Variants in ODAD3 observed in about 807,000 individuals in gnomAD.
The protein encoded by ODAD3 is outer dynein arm docking complex subunit 3.
A neutral mutation model predicts 70.9 loss-of-function variants in ODAD3; 57 were observed. The observed-to-expected ratio is 0.80, with a 90% confidence interval of 0.65 to 1.00. ODAD3 has a LOEUF of 1.00. Ranked by LOEUF, ODAD3 falls within the 50% of genes least tolerant of loss-of-function variation. The pLI, the probability that ODAD3 is intolerant of heterozygous loss-of-function variation, is 0.00. For missense variants in ODAD3, 797 were observed against 763.9 expected (o/e 1.04, Z -0.51); for synonymous variants, 327 against 315.9 (o/e 1.04, Z -0.37).
Position 11,422,877 on chromosome 19 carries a change from C to T in ODAD3, c.1117-16G>A, listed in dbSNP as rs1969174682. The T allele has an allele frequency of 6.3e-7, 1 of 1,599,400 alleles. No homozygotes were observed. The highest frequency in any genetic ancestry group is 8.5e-7 in the Non-Finnish European group (1 of 1,178,876). Reference sequence around the variant, plus strand: ...GCACCAACGACTGCGGGCCACCCAGCCCCAGTCAGAGCCAGGGCCTAGGGA... The same window carrying T: ...GCACCAACGACTGCGGGCCACCCAGTCCCAGTCAGAGCCAGGGCCTAGGGA... On this transcript the variant is annotated splice_polypyrimidine_tract_variant and intron_variant, in intron 8 of 12. Transcript: ENST00000356392. This position sits in a 1 kb window ranked among gnomAD's most constrained non-coding sequence, Gnocchi z 4.6.
chr19:11,420,715 G>A lies in ODAD3; in HGVS notation c.*120C>T. On this transcript the variant is annotated 3_prime_UTR_variant, in exon 13 of 13. Transcript: ENST00000356392. ...CCTTCCTCCCCTCCGGGCGCCGCTG[G>A]CCGCCTCCGTTCCCGGTCCGGGCCG... is the stretch of plus-strand genomic sequence containing the variant. The A allele has an allele frequency of 1.2e-6, 1 of 808,524 alleles. No individual in the cohort carries two copies. The highest frequency in any genetic ancestry group is 2.0e-6 in the Non-Finnish European group (1 of 497,994). The allele number at this position is 808,524 out of a possible 1,614,324, so 50.1% of individuals were successfully genotyped here.
intron 7 of ODAD3, among the ~76,000 whole-genome samples, chr19:11,425,573 A>ATATATGTATATATGTG (rs1555722668): frequency 1.6e-5 from 2 of 126,358 alleles, no homozygotes; most frequent in African/African-American, 8.5e-5. Context: ...GTGTGTATGT[A>ATATATGTATATATGTG]TGTATATATG....
chr19:11,426,466 T>C lies in ODAD3; in HGVS notation c.820A>G (p.Asn274Asp). ...ALHVVNQEAL[N>D]ARDIAKNQLQ... ...GGCACCTTGGCAATGTCCCGGGCAT[T>C]GAGGGCCTCTTGGTTCACCACGTGC... Residue 274 changes from asparagine (N) to aspartate (D), a missense_variant, in exon 6 of 13, where the codon AAT becomes GAT. Coordinates refer to ENST00000356392, the MANE Select transcript of ODAD3 (RefSeq NM_145045.5). 1 of 1,614,020 alleles carries C rather than the reference T, an allele frequency of 6.2e-7. No homozygotes were observed.
Position 11,430,714 on chromosome 19 carries a change from C to G in ODAD3, c.429G>C (p.Lys143Asn), listed in dbSNP as rs1230815576. ...GTGGGCAAACCTGTCCTGTCCTGTT[C>G]TTCAGGTATGGCTTCTCCCACTTCC... ...REWKWEKPYL[K>N]NRTGQALEHL... is the part of the protein sequence containing the mutation. Residue 143 changes from lysine to asparagine, a missense_variant, in exon 3 of 13, where the codon AAG becomes AAC. Transcript: ENST00000356392. 1.2e-6 allele frequency: 2 copies of G among 1,614,080 alleles called. No individual in the cohort carries two copies. Among genetic ancestry groups the G allele is most frequent in the Non-Finnish European group, 8.5e-7 (1 of 1,180,016 alleles).
chr19:11,421,994 G>T (rs183656609), intron 10 of ODAD3, among the ~76,000 whole-genome samples, 162 bp from the exon 11 acceptor site: 1 of 152,122 alleles, frequency 6.6e-6, no homozygotes, highest in African/African-American at 2.4e-5. Flanking sequence ...TCAAGGCCAC[G>T]TCTGTGATGG....
intron 1 of ODAD3, among the ~76,000 whole-genome samples, chr19:11,432,365 C>A (rs964890637): frequency 6.6e-6 from 1 of 152,196 alleles, no homozygotes; most frequent in African/African-American, 2.4e-5. Flanking sequence ...CCTCCTGCCT[C>A]AGCCTCCCAA....
intron 7 of ODAD3, 56 bp downstream of exon 7, chr19:11,426,088 C>A (rs1969364599): frequency 2.5e-6 from 4 of 1,575,400 alleles, no homozygotes; most frequent in East Asian, 2.3e-5. Flanking sequence ...CAGGGCATGG[C>A]TGGTTTGTGC....
intron 3 of ODAD3, among the ~76,000 whole-genome samples, chr19:11,429,759 C>T (rs1174671110): frequency 2.0e-5 from 3 of 147,146 alleles, no homozygotes; most frequent in South Asian, 2.1e-4. Flanking sequence ...AGGATGGGCT[C>T]GATCTCCTGA....
At chr19:11,421,051 A>G (rs543286606) in intron 12 of ODAD3, 77 bp downstream of exon 12, 1 of 1,577,868 alleles carries the variant, frequency 6.3e-7, no homozygotes, top group East Asian at 2.2e-5. Flanking sequence ...CTTGGCCCTG[A>G]ACAGGGTATC....
In ODAD3 at chr19:11,426,563, G is replaced by A; in HGVS notation, c.723C>T (p.Ser241=). Residue 241 remains serine (S), a synonymous_variant, in exon 6 of 13, where the codon AGC becomes AGT. Coordinates refer to ENST00000356392, the MANE Select transcript of ODAD3 (RefSeq NM_145045.5). The part of the protein sequence containing the change: ...LQLKAYLMDE[S]LNLENRLDSM... Reference sequence around the variant, plus strand: ...AGTCCAGCCGGTTCTCCAAGTTGAGGCTCTCGTCCTGGGGCGTGGTGGGGA... The same window carrying A: ...AGTCCAGCCGGTTCTCCAAGTTGAGACTCTCGTCCTGGGGCGTGGTGGGGA... The A allele has an allele frequency of 6.2e-7, 1 of 1,614,010 alleles. No homozygotes were observed. Among genetic ancestry groups the A allele is most frequent in the South Asian group, 1.1e-5 (1 of 91,080 alleles).
At chr19:11,434,534 CAAAAAA>C in intron 1 of ODAD3, 3 of 174,616 alleles carry the variant, frequency 1.7e-5, no homozygotes, top group Non-Finnish European at 2.1e-5. Flanking sequence ...GAGATTCTGC[CAAAAAA>C]AAAAAAAAAA....
At position 11,425,142 on chromosome 19, in the gene ODAD3, T is replaced by C. The variant is rs1206219145; in HGVS notation, c.963+1002A>G. 8.2e-5 allele frequency among the ~76,000 whole-genome samples: 11 copies of C among 134,838 alleles called. 3 individuals carry two copies. Among genetic ancestry groups the C allele is most frequent in the African/African-American group, 3.2e-4 (10 of 30,922 alleles). The allele number at this position is 134,838 out of a possible 152,430, so 88.5% of individuals were successfully genotyped here. A position where few individuals can be genotyped will look rare whatever the true frequency, so the allele number is the denominator to read the frequency against. On this transcript the variant is annotated intron_variant, in intron 7 of 12. Coordinates refer to ENST00000356392, the MANE Select transcript of ODAD3 (RefSeq NM_145045.5). ...ATGTACATATGTGTATATGTGTATATGTACATATGTATATATACATATGTG... is the reference window on the plus strand; with the variant it reads ...ATGTACATATGTGTATATGTGTATACGTACATATGTATATATACATATGTG...
At chr19:11,434,576 T>A in intron 1 of ODAD3, 197 bp downstream of exon 1, 1 of 500,450 alleles carries the variant, frequency 2.0e-6, no homozygotes, top group South Asian at 5.3e-5. Context: ...TACAAGAAAG[T>A]ATGAAGTACA....
chr19:11,425,507 G>A (rs1313696915), intron 7 of ODAD3, among the ~76,000 whole-genome samples: 3 of 139,110 alleles, frequency 2.2e-5, no homozygotes, highest in Non-Finnish European at 3.1e-5. Context: ...ATGTATATAT[G>A]TGTGTATATA....
At chr19:11,430,864 C>T (rs748910339) in intron 2 of ODAD3, 35 bp downstream of exon 2, 4 of 1,613,822 alleles carry the variant, frequency 2.5e-6, no homozygotes, top group African/African-American at 1.3e-5. Context: ...CATCCACCGC[C>T]ACGGGAACCC....
chr19:11,423,947 C>T lies in ODAD3; in HGVS notation c.1046G>A (p.Arg349His), dbSNP rs1969202098. The change falls in exon 8 of 13, where the codon CGC becomes CAC. Residue 349 changes from arginine to histidine, a missense_variant. Transcript: ENST00000356392. ...CACCTCCATCTGGTACATGCTCCAG[C>T]GCTGCCGCAGCTCCTCCTCCTTGGC... ...LHAKEEELRQRWSMYQMEVIF... is the reference protein window; with the variant it reads ...LHAKEEELRQHWSMYQMEVIF... 8.1e-6 allele frequency: 13 copies of T among 1,613,402 alleles called. No homozygotes were observed. The highest frequency in any genetic ancestry group is 1.0e-5 in the Non-Finnish European group (12 of 1,179,976).
At chr19:11,421,966 T>TG in intron 10 of ODAD3, 134 bp from the exon 11 acceptor site, 2 of 946,968 alleles carry the variant, frequency 2.1e-6, no homozygotes, top group Non-Finnish European at 3.1e-6. Context: ...TCCTAGCCAT[T>TG]GGGGGCGGGG....
intron 3 of ODAD3, among the ~76,000 whole-genome samples, chr19:11,427,805 T>C (rs1303815871): frequency 6.6e-6 from 1 of 150,746 alleles, no homozygotes; most frequent in Non-Finnish European, 1.5e-5. Flanking sequence ...TTTTTTCTTT[T>C]AAAAAATGTT....
chr19:11,434,551 A>T, intron 1 of ODAD3: 4 of 383,002 alleles, frequency 1.0e-5, no homozygotes, highest in Non-Finnish European at 1.3e-5. Flanking sequence ...AAAAAAAAAA[A>T]TAGAGAAAAT....
Sources: allele counts gnomAD v4.1 joint callset (sites outside exome capture counted in the v4.1 genomes callset), GRCh38; gene constraint gnomAD v4.1.1; non-coding constraint Gnocchi (gnomAD v3.1); transcripts MANE v1.5; gene names NCBI Gene and HGNC (gene_info 2026-07-23, HGNC 2026-07-21).